RNLS: variants seen among roughly 807,000 people sequenced by gnomAD.
The protein encoded by RNLS is renalase, FAD dependent amine oxidase, also known as renalase.
Under a neutral mutation model 39.8 loss-of-function variants are expected in RNLS, and 39 were observed. The ratio of observed to expected loss-of-function variants is 0.98; its 90% CI spans 0.76 to 1.28. RNLS has a LOEUF of 1.28. RNLS is among the 50% of genes most tolerant of loss of function. The probability of loss-of-function intolerance (pLI) is 0.00; values close to 1 mark genes in which losing one functional copy is unlikely to be tolerated. For missense variants in RNLS, 410 were observed against 413.3 expected, an observed-to-expected ratio of 0.99 and a Z score of 0.07; for synonymous variants, 147 against 150.7, an observed-to-expected ratio of 0.98 and a Z score of 0.18.
At chr10:88,217,287 C>G in the RNLS span, among the ~76,000 whole-genome samples, 1 of 152,128 alleles carries the variant, frequency 6.6e-6, no homozygotes, top group Non-Finnish European at 1.5e-5. Context: ...ACAGACCACT[C>G]AGTTAATTAG....
the RNLS span, among the ~76,000 whole-genome samples, chr10:88,197,495 A>G: frequency 1.3e-5 from 2 of 152,152 alleles, no homozygotes; most frequent in Non-Finnish European, 2.9e-5. Flanking sequence ...CAGTGGTTAG[A>G]TGGTGCTCTG....
intron 4 of RNLS, among the ~76,000 whole-genome samples, chr10:88,433,887 C>T (rs1855289431): frequency 6.6e-6 from 1 of 152,030 alleles, no homozygotes; most frequent in Non-Finnish European, 1.5e-5. Context: ...TATTTCATCC[C>T]AGGCTTGCTA....
At chr10:88,191,043 G>A in the RNLS span, among the ~76,000 whole-genome samples, 1 of 152,226 alleles carries the variant, frequency 6.6e-6, no homozygotes. Flanking sequence ...TTCTCTATGG[G>A]CTCCTCTGCT....
intron 4 of RNLS, among the ~76,000 whole-genome samples, chr10:88,499,581 C>A (rs761019272): frequency 1.2e-4 from 18 of 151,996 alleles, no homozygotes; most frequent in Non-Finnish European, 2.5e-4. Flanking sequence ...GATGCATTCT[C>A]CCCCTCTCAC....
chr10:88,273,319 T>C (rs559101701), downstream of RNLS, among the ~76,000 whole-genome samples: 1 of 152,296 alleles, frequency 6.6e-6, no homozygotes, highest in Admixed American at 6.5e-5. Flanking sequence ...TTTTTTAAAA[T>C]CCCACCACCT....
chr10:88,268,688 T>A, the RNLS span, among the ~76,000 whole-genome samples: 8 of 152,240 alleles, frequency 5.3e-5, no homozygotes, highest in Admixed American at 6.5e-5. Flanking sequence ...GTGTTAACTT[T>A]ATTCTTGACC....
intron 5 of RNLS, among the ~76,000 whole-genome samples, chr10:88,339,766 G>A (rs1178443229): frequency 6.6e-6 from 1 of 152,042 alleles, no homozygotes; most frequent in Admixed American, 6.6e-5. Flanking sequence ...CACTATAAAT[G>A]CTTCTCTTTG....
At chr10:88,291,101 T>C (rs551417624) in intron 6 of RNLS, among the ~76,000 whole-genome samples, 71 of 152,286 alleles carry the variant, frequency 4.7e-4, no homozygotes, top group African/African-American at 1.6e-3. Flanking sequence ...TGGCATCTTA[T>C]AGTTGAAGAA....
At chr10:88,181,534 C>A in the RNLS span, among the ~76,000 whole-genome samples, 2 of 152,072 alleles carry the variant, frequency 1.3e-5, no homozygotes, top group African/African-American at 4.8e-5. Flanking sequence ...TGTTGTATAC[C>A]TGGGTCATTT....
chr10:88,483,672 AT>A (rs1285644629), intron 4 of RNLS, among the ~76,000 whole-genome samples: 1 of 151,936 alleles, frequency 6.6e-6, no homozygotes, highest in Non-Finnish European at 1.5e-5. Context: ...ACCAAATGCC[AT>A]TTTTTCTTGA....
chr10:88,246,063 C>A, the RNLS span, among the ~76,000 whole-genome samples: 1 of 152,178 alleles, frequency 6.6e-6, no homozygotes, highest in Non-Finnish European at 1.5e-5. Flanking sequence ...CATCACAGAG[C>A]TAATAGCGTG....
At chr10:88,427,396 A>G (rs1268919492) in intron 4 of RNLS, among the ~76,000 whole-genome samples, 2 of 152,028 alleles carry the variant, frequency 1.3e-5, no homozygotes, top group Admixed American at 6.6e-5. Context: ...TGGATAATCC[A>G]TGTCTCTGCC....
chr10:88,508,517 G>A (rs1845920010), intron 4 of RNLS, among the ~76,000 whole-genome samples: 1 of 152,140 alleles, frequency 6.6e-6, no homozygotes, highest in Non-Finnish European at 1.5e-5. Flanking sequence ...ATCAGTGTTT[G>A]GTATAATTCT....
the RNLS span, among the ~76,000 whole-genome samples, chr10:88,182,991 A>C: frequency 6.6e-6 from 1 of 152,096 alleles, no homozygotes; most frequent in African/African-American, 2.4e-5. Flanking sequence ...AAACTCATTA[A>C]ACTTCAGCTT....
chr10:88,219,068 T>C, the RNLS span, among the ~76,000 whole-genome samples: 1 of 152,214 alleles, frequency 6.6e-6, no homozygotes, highest in Non-Finnish European at 1.5e-5. Flanking sequence ...TATTTTTCTT[T>C]TTAACATATT....
intron 4 of RNLS, among the ~76,000 whole-genome samples, chr10:88,443,947 C>T (rs1028321106): frequency 6.6e-6 from 1 of 152,224 alleles, no homozygotes; most frequent in Non-Finnish European, 1.5e-5. Context: ...CTTAAATGTC[C>T]CTGTCTGACA....
chr10:88,426,566 A>G (rs1055635017), intron 4 of RNLS, among the ~76,000 whole-genome samples: 1 of 152,052 alleles, frequency 6.6e-6, no homozygotes, highest in Non-Finnish European at 1.5e-5. Flanking sequence ...AAATTTTGTT[A>G]TTTCTAATTG....
intron 4 of RNLS, among the ~76,000 whole-genome samples, chr10:88,529,334 T>C (rs1346094949): frequency 1.3e-5 from 2 of 152,184 alleles, no homozygotes; most frequent in Non-Finnish European, 2.9e-5. Context: ...GGTTTTCTAG[T>C]GCTGCCTCTG....
the RNLS span, among the ~76,000 whole-genome samples, chr10:88,195,018 C>A: frequency 1.3e-5 from 2 of 152,136 alleles, no homozygotes; most frequent in South Asian, 4.1e-4. Flanking sequence ...CAGGCATACT[C>A]GAGTGAGTCT....
Sources: allele counts gnomAD v4.1 joint callset (sites outside exome capture counted in the v4.1 genomes callset), GRCh38; gene constraint gnomAD v4.1.1; transcripts MANE v1.5; gene names NCBI Gene and HGNC (gene_info 2026-07-23, HGNC 2026-07-21).